Variants in CECR2 observed in about 807,000 individuals in gnomAD.
CECR2 encodes CECR2 histone acetyl-lysine reader.
A neutral mutation model predicts 154.5 loss-of-function variants in CECR2; 30 were observed. The observed-to-expected ratio is 0.19, with a 90% confidence interval of 0.15 to 0.26. The LOEUF (loss-of-function observed/expected upper bound fraction) is 0.26. Among genes scored for constraint, CECR2 ranks in the 10% least tolerant of loss-of-function variants. The pLI is 1.00. For synonymous variants in CECR2, 725 were observed against 683.7 expected, an observed-to-expected ratio of 1.06 and a Z score of -0.94; for missense variants, 1,743 against 1,829.3, an observed-to-expected ratio of 0.95 and a Z score of 0.86.
intron 1 of CECR2, among the ~76,000 whole-genome samples, chr22:17,420,186 AT>A (rs2054224599): frequency 6.6e-6 from 1 of 152,226 alleles, no homozygotes; most frequent in Non-Finnish European, 1.5e-5. Flanking sequence ...GTCAAAGGAA[AT>A]TTAGGAGGCA....
At position 17,548,243 on chromosome 22, in the gene CECR2, C is replaced by G; in HGVS notation, c.2956C>G (p.Gln986Glu). The stretch of plus-strand genomic sequence containing the variant: ...ACTACCTCACCCCACACCTCCCCTG[C>G]AGACTGACTGCACCAGGCAGAGCTC... ...TQLPHPTPPL[Q>E]TDCTRQSSPQ... Residue 986 changes from glutamine to glutamate, a missense_variant, in exon 17 of 19, where the codon CAG becomes GAG. Physicochemically the swap from Gln to Glu is conservative, Grantham distance 29. Coordinates refer to ENST00000262608, the MANE Select transcript of CECR2 (RefSeq NM_001290047.2). 1.2e-6 allele frequency: 2 copies of G among 1,600,728 alleles called. No individual in the cohort carries two copies. Among genetic ancestry groups the G allele is most frequent in the Non-Finnish European group, 1.7e-6 (2 of 1,173,662 alleles).
At chr22:17,520,050 A>G (rs1259064405) in intron 8 of CECR2, among the ~76,000 whole-genome samples, 1 of 152,108 alleles carries the variant, frequency 6.6e-6, no homozygotes, top group East Asian at 1.9e-4. Context: ...TGGCCTCCCA[A>G]GGTGCTGAGA....
intron 1 of CECR2, among the ~76,000 whole-genome samples, chr22:17,386,372 A>AC: frequency 6.6e-6 from 1 of 152,134 alleles, no homozygotes; most frequent in Admixed American, 6.5e-5. Flanking sequence ...TTAAAAAAAA[A>AC]CTTTTTTCAC....
Position 17,548,913 on chromosome 22 carries a change from T to C in CECR2, c.3626T>C (p.Phe1209Ser), listed in dbSNP as rs768539733. 6.2e-7 allele frequency: 1 copy of C among 1,613,474 alleles called. No homozygotes were observed. Among genetic ancestry groups the C allele is most frequent in the Non-Finnish European group, 8.5e-7 (1 of 1,179,598 alleles). Residue 1209 changes from phenylalanine (F) to serine (S), a missense_variant, in exon 17 of 19, where the codon TTT becomes TCT. Phe to Ser is a radical substitution (Grantham distance 155). This residue lies in a region of CECR2 where 1,250 missense variants were observed against 1,192.1 expected (regional missense o/e 1.05). Coordinates refer to ENST00000262608, the MANE Select transcript of CECR2 (RefSeq NM_001290047.2). ...RTPYYACPQS[F>S]SDWQRPLHPQ... is the part of the protein sequence containing the mutation. ...CCTTACTATGCCTGTCCACAGAGCT[T>C]TTCTGACTGGCAGAGACCTCTCCAT...
intron 13 of CECR2, 40 bp downstream of exon 13, chr22:17,539,159 A>C: frequency 6.2e-7 from 1 of 1,603,428 alleles, no homozygotes; most frequent in Non-Finnish European, 8.5e-7. Context: ...CATATCTGTA[A>C]TCAAGAATAA....
At chr22:17,400,632 G>A (rs2053877632) in intron 1 of CECR2, among the ~76,000 whole-genome samples, 1 of 152,230 alleles carries the variant, frequency 6.6e-6, no homozygotes, top group South Asian at 2.1e-4. Context: ...AAGACAGAAA[G>A]TCTGAGAAGG....
chr22:17,524,777 A>C, intron 9 of CECR2: 1 of 260,344 alleles, frequency 3.8e-6, no homozygotes, highest in Non-Finnish European at 7.9e-6. Flanking sequence ...CACTTACTGC[A>C]ACCTCTGCCT....
intron 1 of CECR2, among the ~76,000 whole-genome samples, chr22:17,443,926 G>T (rs776820785): frequency 6.6e-6 from 1 of 152,124 alleles, no homozygotes; most frequent in Non-Finnish European, 1.5e-5. Context: ...TAGCCGTACC[G>T]TAAACAAGCA....
At position 17,542,246 on chromosome 22, in the gene CECR2, C is replaced by T. The variant is rs1456055276; in HGVS notation, c.2103C>T (p.Asn701=). Residue 701 remains asparagine (N), a synonymous_variant, in exon 16 of 19, where the codon AAC becomes AAT. Transcript: ENST00000262608. ...GCGGGGGGCTGACACACCTTTCTAA[C>T]ATGGGCCCACACCCTGGATCCTTGC... is the stretch of plus-strand genomic sequence containing the variant. ...QMCGGLTHLS[N]MGPHPGSLQL... is the part of the protein sequence containing the mutation. 6.2e-7 allele frequency: 1 copy of T among 1,610,904 alleles called. No homozygotes were observed. Among genetic ancestry groups the T allele is most frequent in the Admixed American group, 1.7e-5 (1 of 59,450 alleles).
chr22:17,404,139 C>A (rs898811395), intron 1 of CECR2, among the ~76,000 whole-genome samples: 32 of 151,288 alleles, frequency 2.1e-4, no homozygotes, highest in Non-Finnish European at 3.1e-4. Context: ...CACGTCTGTA[C>A]TCCCAGCTAC....
At chr22:17,368,834 C>T (rs2063020009), upstream of CECR2, among the ~76,000 whole-genome samples, 1 of 152,122 alleles carries the variant, frequency 6.6e-6, no homozygotes, top group African/African-American at 2.4e-5. Flanking sequence ...CTCCCCCTAC[C>T]CCACCCTTCC....
Position 17,500,640 on chromosome 22 carries a change from A to G in CECR2, c.555A>G (p.Glu185=). The G allele has an allele frequency of 9.0e-6, 14 of 1,549,860 alleles. No individual in the cohort carries two copies. The highest frequency in any genetic ancestry group is 2.0e-5 in the Admixed American group (1 of 50,644). ...NGELSLSRES[E]GQKNVSSIPG... ...TAATATTATTTATTAGGGAAAGTGA[A>G]GGACAAAAAAATGTCTCAAGTATTC... is the stretch of plus-strand genomic sequence containing the variant. Residue 185 remains glutamate, a synonymous_variant, in exon 5 of 19, where the codon GAA becomes GAG. Transcript: ENST00000262608.
chr22:17,363,174 C>T (rs571042633), intron 1 of CECR2, among the ~76,000 whole-genome samples: 5 of 151,370 alleles, frequency 3.3e-5, no homozygotes, highest in East Asian at 2.0e-4. Flanking sequence ...CTTGACTTAC[C>T]GAGTAGCTGG....
intron 9 of CECR2, among the ~76,000 whole-genome samples, chr22:17,531,809 G>A (rs1164563192): frequency 6.6e-6 from 1 of 152,194 alleles, no homozygotes; most frequent in African/African-American, 2.4e-5. Flanking sequence ...TGGAAAAGGT[G>A]GATTACCCTG....
At chr22:17,490,685 A>G (rs984329277) in intron 2 of CECR2, among the ~76,000 whole-genome samples, 1 of 151,896 alleles carries the variant, frequency 6.6e-6, no homozygotes, top group Non-Finnish European at 1.5e-5. Context: ...TCCTGACTTC[A>G]TGATCTGTCC....
chr22:17,374,294 G>C (rs567661361), intron 1 of CECR2, among the ~76,000 whole-genome samples: 17 of 152,242 alleles, frequency 1.1e-4, no homozygotes, highest in Admixed American at 2.6e-4. Flanking sequence ...AGATCTAGGG[G>C]CAATATTCAG....
intron 1 of CECR2, among the ~76,000 whole-genome samples, chr22:17,468,300 C>A (rs1344344851): frequency 6.6e-6 from 1 of 152,132 alleles, no homozygotes; most frequent in African/African-American, 2.4e-5. Flanking sequence ...GTCCCTGCCC[C>A]CTCATTTCTG....
chr22:17,375,800 C>G (rs1418665732), intron 1 of CECR2, among the ~76,000 whole-genome samples: 2 of 151,770 alleles, frequency 1.3e-5, no homozygotes, highest in African/African-American at 4.8e-5. Flanking sequence ...ACTAAAAGTA[C>G]AAAAATTAGC....
At chr22:17,423,771 A>G (rs1469479341) in intron 1 of CECR2, among the ~76,000 whole-genome samples, 1 of 152,084 alleles carries the variant, frequency 6.6e-6, no homozygotes, top group Non-Finnish European at 1.5e-5. Flanking sequence ...GATGCTTGGT[A>G]TTCCCGGCTG....
Sources: gnomAD v4.1 joint callset for allele counts (sites outside exome capture counted in the v4.1 genomes callset) on GRCh38, gnomAD v4.1.1 for gene constraint, gnomAD v4.1.1 regional missense constraint, MANE v1.5 for transcripts, NCBI Gene and HGNC (gene_info 2026-07-23, HGNC 2026-07-21) for gene names.